The following BACH2 variants were observed in gnomAD, a reference collection of about 807,000 sequenced individuals.
BACH2 encodes the protein transcription regulator protein BACH2.
Under a neutral mutation model 61.8 loss-of-function variants are expected in BACH2, and 5 were observed. The observed-to-expected ratio is 0.08, with a 90% CI of 0.04 to 0.17. The LOEUF is 0.17. BACH2 is among the 10% of genes least tolerant of loss of function. BACH2 has a pLI of 1.00. For synonymous variants in BACH2, 446 were observed against 440.1 expected, an observed-to-expected ratio of 1.01 and a Z score of -0.17; for missense variants, 824 against 1,091.1, an observed-to-expected ratio of 0.76 and a Z score of 3.45.
chr6:90,048,210 C>A (rs559633704), intron 5 of BACH2, among the ~76,000 whole-genome samples: 3 of 152,236 alleles, frequency 2.0e-5, no homozygotes, highest in South Asian at 2.1e-4. Flanking sequence ...CTCACTGCAG[C>A]CTTGAATTCC....
At chr6:90,278,565 T>C (rs1166175737) in intron 1 of BACH2, among the ~76,000 whole-genome samples, 1 of 152,262 alleles carries the variant, frequency 6.6e-6, no homozygotes, top group African/African-American at 2.4e-5. Context: ...ACTATATGTT[T>C]TCCCTAAAGG....
chr6:90,242,157 T>C (rs1461293259), intron 3 of BACH2, among the ~76,000 whole-genome samples: 1 of 152,214 alleles, frequency 6.6e-6, no homozygotes, highest in Non-Finnish European at 1.5e-5. Flanking sequence ...CACAGTTGTA[T>C]GGGTTTTGAC....
chr6:90,007,326 G>A (rs911603481), intron 6 of BACH2, among the ~76,000 whole-genome samples: 15 of 151,786 alleles, frequency 9.9e-5, no homozygotes, highest in African/African-American at 3.6e-4. Flanking sequence ...TGCTCGCCTC[G>A]GCCTCCCAAG....
intron 4 of BACH2, among the ~76,000 whole-genome samples, chr6:90,094,734 G>A (rs1418745606): frequency 2.6e-5 from 4 of 152,146 alleles, no homozygotes; most frequent in Admixed American, 2.0e-4. Context: ...AGGGGATCAT[G>A]TTCAGCATCT....
intron 5 of BACH2, among the ~76,000 whole-genome samples, chr6:90,038,940 T>C (rs1779393373): frequency 6.6e-6 from 1 of 151,302 alleles, no homozygotes; most frequent in African/African-American, 2.4e-5. Flanking sequence ...CTCAGGAGGC[T>C]GAGGCAAGAG....
chr6:90,050,052 A>C (rs1199285416), intron 5 of BACH2, among the ~76,000 whole-genome samples: 1 of 152,244 alleles, frequency 6.6e-6, no homozygotes, highest in African/African-American at 2.4e-5. Flanking sequence ...AAGCTTTCAA[A>C]TAAAAACGTG....
intron 1 of BACH2, among the ~76,000 whole-genome samples, chr6:90,278,544 T>C (rs532947469): frequency 1.3e-5 from 2 of 152,378 alleles, no homozygotes; most frequent in East Asian, 1.9e-4. Context: ...CATATCTTGC[T>C]TCCCCAGTAG....
chr6:90,054,143 G>A (rs567392475), intron 5 of BACH2, among the ~76,000 whole-genome samples: 9 of 152,328 alleles, frequency 5.9e-5, no homozygotes, highest in African/African-American at 1.9e-4. Flanking sequence ...GCAGCGCACC[G>A]TGCACGAGCC....
At chr6:90,027,652 C>T (rs1354549281) in intron 5 of BACH2, among the ~76,000 whole-genome samples, 1 of 152,188 alleles carries the variant, frequency 6.6e-6, no homozygotes, top group East Asian at 1.9e-4. Context: ...TTTTCCATTT[C>T]TCCTTCCATC....
At position 90,261,130 on chromosome 6, in the gene BACH2, A is replaced by G. The variant is rs544315566; in HGVS notation, c.-352-8540T>C. Reference sequence around the variant, plus strand: ...GGACACTACACCCCTCAAACTTCCAACTTTCAAGACCTACAATCCCTTATC... The same window carrying G: ...GGACACTACACCCCTCAAACTTCCAGCTTTCAAGACCTACAATCCCTTATC... On this transcript the variant is annotated intron_variant, in intron 2 of 8. Transcript: ENST00000257749. Among the ~76,000 whole-genome samples the G allele has an allele frequency of 5.9e-5, 9 of 152,230 alleles. No individual in the cohort carries two copies. In the South Asian group the frequency reaches 1.7e-3, roughly 28 times the overall value.
chr6:90,069,986 C>T (rs1233787817), intron 5 of BACH2, among the ~76,000 whole-genome samples: 1 of 152,126 alleles, frequency 6.6e-6, no homozygotes, highest in East Asian at 1.9e-4. Flanking sequence ...TCCTGTCTTC[C>T]TCAGCTCCAG....
At chr6:90,254,711 C>G (rs1460421134) in intron 2 of BACH2, among the ~76,000 whole-genome samples, 2 of 152,038 alleles carry the variant, frequency 1.3e-5, no homozygotes, top group African/African-American at 4.8e-5. Flanking sequence ...AAAACAGTAC[C>G]AGCAAAACCC....
At chr6:90,182,227 C>T (rs532262352) in intron 4 of BACH2, among the ~76,000 whole-genome samples, 6 of 151,588 alleles carry the variant, frequency 4.0e-5, no homozygotes, top group South Asian at 2.1e-4. Context: ...AGACACTTTT[C>T]TCTCTCTCTC....
chr6:89,947,053 A>G (rs1480055500), intron 7 of BACH2, among the ~76,000 whole-genome samples: 1 of 152,182 alleles, frequency 6.6e-6, no homozygotes, highest in African/African-American at 2.4e-5. Flanking sequence ...GGGTGGAGGA[A>G]GACAGATTGG....
At position 89,932,629 on chromosome 6, in the gene BACH2, A is replaced by G; in HGVS notation, c.2305T>C (p.Cys769Arg). Residue 769 changes from cysteine (C) to arginine (R), a missense_variant, in exon 9 of 9, where the codon TGC becomes CGC. Cys to Arg is a radical substitution (Grantham distance 180). This residue lies in a region of BACH2 where 135 missense variants were observed against 142.7 expected (regional missense o/e 0.95). Coordinates refer to ENST00000257749, the MANE Select transcript of BACH2 (RefSeq NM_021813.4). ...GGGGGAGCCGCGCCTGGCTCCAAGC[A>G]GCAGGGCACGTTTTCCCCCACTGCG... ...QCAVGENVPCCLEPGAAPPGP... is the reference protein window; with the variant it reads ...QCAVGENVPCRLEPGAAPPGP... 1.2e-6 allele frequency: 2 copies of G among 1,614,122 alleles called. No homozygotes were observed. The highest frequency in any genetic ancestry group is 1.7e-6 in the Non-Finnish European group (2 of 1,180,006).
intron 4 of BACH2, among the ~76,000 whole-genome samples, chr6:90,164,919 T>G (rs1428373132): frequency 6.6e-6 from 1 of 152,122 alleles, no homozygotes. Flanking sequence ...TATCTCAAAA[T>G]AATAAGAGCT....
intron 6 of BACH2, among the ~76,000 whole-genome samples, chr6:90,007,751 C>T (rs749912835): frequency 1.3e-5 from 2 of 152,182 alleles, no homozygotes; most frequent in Non-Finnish European, 2.9e-5. Flanking sequence ...GTGAGTTGTA[C>T]TCCTGGGAGT....
At chr6:90,250,621 C>T (rs1460557127) in intron 3 of BACH2, among the ~76,000 whole-genome samples, 1 of 152,154 alleles carries the variant, frequency 6.6e-6, no homozygotes, top group Non-Finnish European at 1.5e-5. Flanking sequence ...ATGGTGCTTG[C>T]ATTCCTGTGT....
At chr6:90,027,422 C>T (rs760724094) in intron 5 of BACH2, among the ~76,000 whole-genome samples, 16 of 152,122 alleles carry the variant, frequency 1.1e-4, no homozygotes, top group Non-Finnish European at 1.6e-4. Flanking sequence ...CACTCACACA[C>T]GATTTCACCT....
Sources: allele counts gnomAD v4.1 joint callset (sites outside exome capture counted in the v4.1 genomes callset), GRCh38; gene constraint gnomAD v4.1.1; regional missense constraint gnomAD v4.1.1; transcripts MANE v1.5; gene names NCBI Gene and HGNC (gene_info 2026-07-23, HGNC 2026-07-21).